CCDC175: variants seen among roughly 807,000 people sequenced by gnomAD.
The protein encoded by CCDC175 is coiled-coil domain containing 175.
CCDC175 carries 100 observed loss-of-function variants against 114.6 expected under a neutral mutation model. The observed-to-expected ratio is 0.87, with a 90% CI of 0.74 to 1.03. The LOEUF (loss-of-function observed/expected upper bound fraction) is 1.03. CCDC175 is among the 50% of genes least tolerant of loss of function. The probability of loss-of-function intolerance (pLI) is 0.00; values close to 1 mark genes in which losing one functional copy is unlikely to be tolerated. For synonymous variants in CCDC175, 306 were observed against 308.7 expected (o/e 0.99, Z 0.09); for missense variants, 880 against 917.8 (o/e 0.96, Z 0.53).
At chr14:59,515,805 C>T (rs1379548651) in intron 17 of CCDC175, among the ~76,000 whole-genome samples, 1 of 152,192 alleles carries the variant, frequency 6.6e-6, no homozygotes, top group Non-Finnish European at 1.5e-5. Context: ...CTCAGCTCTG[C>T]ACCAAGCAGA....
chr14:59,518,446 A>C (rs1893232976), intron 17 of CCDC175, among the ~76,000 whole-genome samples: 1 of 152,224 alleles, frequency 6.6e-6, no homozygotes, highest in Admixed American at 6.5e-5. Context: ...AATATCCAGA[A>C]TCTACAATGA....
chr14:59,530,284 T>C (rs1893990203), intron 14 of CCDC175, among the ~76,000 whole-genome samples: 1 of 151,854 alleles, frequency 6.6e-6, no homozygotes, highest in Non-Finnish European at 1.5e-5. Context: ...GGAGAATCGC[T>C]TGAACCCAGG....
rs369423022 is a variant in CCDC175, at chr14:59,544,887, G to C, written c.1172+276C>G. Among the ~76,000 whole-genome samples the C allele has an allele frequency of 1.3e-4, 20 of 152,258 alleles. 2 individuals are homozygous for C. The highest frequency in any genetic ancestry group is 8.5e-4 in the Admixed American group (13 of 15,298). On this transcript the variant is annotated intron_variant, in intron 9 of 19. Coordinates refer to ENST00000537690, the MANE Select transcript of CCDC175 (RefSeq NM_001164399.2). Reference sequence around the variant, plus strand: ...GTGAAGACACAGAGAGAAAGCGGCTGGGTGGCTGTAAGCTAGAAAAGGGCC... The same window carrying C: ...GTGAAGACACAGAGAGAAAGCGGCTCGGTGGCTGTAAGCTAGAAAAGGGCC...
At chr14:59,507,835 T>A (rs1892513116) in intron 19 of CCDC175, among the ~76,000 whole-genome samples, 1 of 152,164 alleles carries the variant, frequency 6.6e-6, no homozygotes, top group Non-Finnish European at 1.5e-5. Context: ...AGAGCTTAGC[T>A]GGCATGGTGG....
chr14:59,538,314 G>A (rs149515860), intron 12 of CCDC175, among the ~76,000 whole-genome samples, 160 bp from the exon 13 acceptor site: 2,596 of 152,120 alleles, frequency 0.017, 31 homozygotes, highest in South Asian at 0.038. Context: ...TTTTCCTCCA[G>A]AAATTAAGTT....
At chr14:59,569,676 T>C (rs1896740115) in intron 3 of CCDC175, among the ~76,000 whole-genome samples, 1 of 152,172 alleles carries the variant, frequency 6.6e-6, no homozygotes, top group South Asian at 2.1e-4. Flanking sequence ...GCATGTATAG[T>C]TTGTTGTATT....
Position 59,538,847 on chromosome 14 carries a change from A to C in CCDC175, c.1356-7T>G, listed in dbSNP as rs1894577634. 5.3e-6 allele frequency: 8 copies of C among 1,518,972 alleles called. No homozygotes were observed. The highest frequency in any genetic ancestry group is 1.7e-4 in the Middle Eastern group (1 of 5,876). 94.1% of individuals were successfully genotyped at this position (1,518,972 alleles called of 1,614,324 possible). On this transcript the variant is annotated splice_polypyrimidine_tract_variant and splice_region_variant and intron_variant, in intron 11 of 19. Transcript: ENST00000537690. The stretch of plus-strand genomic sequence containing the variant: ...TTTCCACTGAGTTATAACACTAGAG[A>C]TTAGAGCAAAAAGAATTGCCATTAA...
At chr14:59,557,201 G>T (rs1490384935) in intron 7 of CCDC175, among the ~76,000 whole-genome samples, 1 of 152,148 alleles carries the variant, frequency 6.6e-6, no homozygotes, top group Non-Finnish European at 1.5e-5. Flanking sequence ...CAATAGCAAA[G>T]ACTTGGAACC....
chr14:59,510,967 C>G lies in CCDC175; in HGVS notation c.2143-159G>C, dbSNP rs572167867. On this transcript the variant is annotated intron_variant, in intron 18 of 19. Transcript: ENST00000537690. The stretch of plus-strand genomic sequence containing the variant: ...GTGTACACAGCCAATTCACAAAGTT[C>G]TGTACATAATCTTGGAAAAATGGAT... 3.9e-5 allele frequency among the ~76,000 whole-genome samples: 6 copies of G among 152,304 alleles called. No homozygotes were observed. In the South Asian group the frequency reaches 1.0e-3, roughly 26 times the overall value.
intron 17 of CCDC175, among the ~76,000 whole-genome samples, chr14:59,514,107 T>C (rs928852104): frequency 1.1e-4 from 17 of 152,178 alleles, no homozygotes; most frequent in African/African-American, 3.9e-4. Flanking sequence ...CTGAAGGTCC[T>C]GACTGTTAGA....
intron 6 of CCDC175, among the ~76,000 whole-genome samples, 157 bp downstream of exon 6, chr14:59,563,577 AACC>A (rs150853755): frequency 0.055 from 8,334 of 152,220 alleles, 288 homozygotes; most frequent in Middle Eastern, 0.11. Context: ...CTGAAGAGGA[AACC>A]ACAATTGCAC....
intron 8 of CCDC175, among the ~76,000 whole-genome samples, chr14:59,546,626 A>G (rs1344036234): frequency 1.3e-5 from 2 of 152,002 alleles, no homozygotes; most frequent in African/African-American, 4.8e-5. Flanking sequence ...GTTTTTTTGC[A>G]TGGCAAGTGG....
intron 7 of CCDC175, among the ~76,000 whole-genome samples, chr14:59,555,188 T>C (rs1895806141): frequency 6.6e-6 from 1 of 152,158 alleles, no homozygotes; most frequent in Admixed American, 6.5e-5. Flanking sequence ...CCAATATCCC[T>C]GATGAACATC....
intron 19 of CCDC175, 37 bp from the exon 20 acceptor site, chr14:59,505,352 G>A: frequency 8.6e-7 from 1 of 1,160,980 alleles, no homozygotes; most frequent in South Asian, 1.6e-5. Context: ...AATTTTATTT[G>A]TATTGCACAC....
intron 10 of CCDC175, among the ~76,000 whole-genome samples, chr14:59,542,002 T>C (rs925769233): frequency 6.6e-6 from 1 of 152,238 alleles, no homozygotes; most frequent in African/African-American, 2.4e-5. Flanking sequence ...GAACCTATGC[T>C]TCCTGTCACA....
In CCDC175 at chr14:59,564,904, C is replaced by T. The variant is rs1223646598; in HGVS notation, c.720+143G>A. The T allele has an allele frequency of 4.7e-6, 3 of 635,864 alleles. No homozygotes were observed. The Admixed American group carries it at 8.8e-5, about 19-fold the overall frequency. The allele number at this position is 635,864 out of a possible 1,614,324, so 39.4% of individuals were successfully genotyped here. On this transcript the variant is annotated intron_variant, in intron 5 of 19. Transcript: ENST00000537690. ...AAGAGCAGAAGTGTCCTTGAGTCTCCCGCTCATCCCGTTTTCCCAGCGCGT... is the reference window on the plus strand; with the variant it reads ...AAGAGCAGAAGTGTCCTTGAGTCTCTCGCTCATCCCGTTTTCCCAGCGCGT...
At chr14:59,571,951 T>C (rs755538013) in intron 3 of CCDC175, among the ~76,000 whole-genome samples, 11 of 152,170 alleles carry the variant, frequency 7.2e-5, no homozygotes, top group Non-Finnish European at 1.5e-4. Context: ...ACCCCAAACC[T>C]TTTGAGCACC....
chr14:59,558,739 C>G (rs1394532334), intron 7 of CCDC175, among the ~76,000 whole-genome samples: 1 of 151,992 alleles, frequency 6.6e-6, no homozygotes, highest in Non-Finnish European at 1.5e-5. Context: ...GTGGAGAGGT[C>G]AAGTAAGGTG....
intron 7 of CCDC175, among the ~76,000 whole-genome samples, chr14:59,554,518 G>A (rs1310144224): frequency 6.6e-6 from 1 of 152,190 alleles, no homozygotes; most frequent in Non-Finnish European, 1.5e-5. Flanking sequence ...AAGCAGGAAA[G>A]ATCTAAAATT....
Sources: allele counts gnomAD v4.1 joint callset (sites outside exome capture counted in the v4.1 genomes callset), GRCh38; gene constraint gnomAD v4.1.1; transcripts MANE v1.5; gene names NCBI Gene and HGNC (gene_info 2026-07-23, HGNC 2026-07-21).